Variants in KCNJ3 observed in about 807,000 individuals in gnomAD.
KCNJ3 encodes potassium inwardly rectifying channel subfamily J member 3, also known as G protein-activated inward rectifier potassium channel 1.
In KCNJ3, 4 loss-of-function variants were observed where a neutral mutation model predicts 39.2. The observed-to-expected ratio is 0.10, with a 90% CI of 0.05 to 0.23. The LOEUF (loss-of-function observed/expected upper bound fraction) is 0.23, where lower values mean the gene tolerates loss of function less well. Ranked by LOEUF, KCNJ3 falls within the 10% of genes least tolerant of loss-of-function variation. The pLI, the probability that KCNJ3 is intolerant of heterozygous loss-of-function variation, is 1.00. For synonymous variants in KCNJ3, 230 were observed against 237.4 expected (o/e 0.97, Z 0.29); for missense variants, 276 against 634.9 (o/e 0.43, Z 6.08).
chr2:154,784,169 T>C lies in KCNJ3; in HGVS notation c.920-70558T>C, dbSNP rs147816381. Among the ~76,000 whole-genome samples, 187 of 152,324 alleles carry C rather than the reference T, an allele frequency of 1.2e-3. 4 individuals are homozygous for C. In the East Asian group the frequency reaches 0.034, roughly 28 times the overall value. On this transcript the variant is annotated intron_variant, in intron 2 of 2. Coordinates refer to ENST00000295101, the MANE Select transcript of KCNJ3 (RefSeq NM_002239.4). ...TGTTAACTCAAAGATTTTCAAACCA[T>C]GTTTAATATTTAAAATTTCTTATTT...
At chr2:154,821,756 T>TCAA (rs1687186797) in intron 2 of KCNJ3, among the ~76,000 whole-genome samples, 1 of 150,860 alleles carries the variant, frequency 6.6e-6, no homozygotes, top group Non-Finnish European at 1.5e-5. Flanking sequence ...TTTTCCTTTG[T>TCAA]TAGCCTCCTG....
intron 2 of KCNJ3, among the ~76,000 whole-genome samples, chr2:154,729,114 GA>G (rs1388553942): frequency 6.6e-6 from 1 of 152,058 alleles, no homozygotes; most frequent in African/African-American, 2.4e-5. Flanking sequence ...ATCAAGAATG[GA>G]AATTGTTTGA....
intron 2 of KCNJ3, among the ~76,000 whole-genome samples, chr2:154,783,119 G>A (rs745954558): frequency 6.6e-5 from 10 of 151,956 alleles, no homozygotes; most frequent in East Asian, 1.9e-4. Flanking sequence ...CGGAGGTTGC[G>A]GTGGGCCAAG....
At chr2:154,744,541 T>A (rs1040059695) in intron 2 of KCNJ3, among the ~76,000 whole-genome samples, 1 of 151,846 alleles carries the variant, frequency 6.6e-6, no homozygotes, top group Non-Finnish European at 1.5e-5. Flanking sequence ...TATTTCATAT[T>A]GTATTTTGGT....
chr2:154,771,498 A>G lies in KCNJ3; in HGVS notation c.919+61679A>G, dbSNP rs1686241390. Among the ~76,000 whole-genome samples the G allele has an allele frequency of 2.6e-5, 4 of 152,314 alleles. No individual in the cohort carries two copies. In the South Asian group the frequency reaches 8.3e-4, roughly 32 times the overall value. ...GCTAACTTGATTTCAGTGAGCAGGA[A>G]TCTAGAAGAAAGTTTAGAGCTACTG... On this transcript the variant is annotated intron_variant, in intron 2 of 2. Coordinates refer to ENST00000295101, the MANE Select transcript of KCNJ3 (RefSeq NM_002239.4).
intron 2 of KCNJ3, among the ~76,000 whole-genome samples, chr2:154,726,840 C>G (rs1424831320): frequency 1.4e-5 from 2 of 145,910 alleles, no homozygotes; most frequent in East Asian, 4.0e-4. Context: ...CACACATACA[C>G]CATGGAATAC....
At chr2:154,749,458 G>C (rs770956397) in intron 2 of KCNJ3, among the ~76,000 whole-genome samples, 8 of 152,058 alleles carry the variant, frequency 5.3e-5, no homozygotes, top group Middle Eastern at 3.4e-3. Context: ...GCATGTTGTG[G>C]GCAAATGAGC....
intron 2 of KCNJ3, among the ~76,000 whole-genome samples, chr2:154,725,348 C>T (rs961012357): frequency 6.7e-6 from 1 of 149,920 alleles, no homozygotes; most frequent in East Asian, 2.0e-4. Flanking sequence ...GATATCTTTT[C>T]TCTGAAAGTT....
At chr2:154,840,367 G>A (rs1249168035) in intron 2 of KCNJ3, among the ~76,000 whole-genome samples, 1 of 152,138 alleles carries the variant, frequency 6.6e-6, no homozygotes, top group Non-Finnish European at 1.5e-5. Context: ...TTGAAGTCAG[G>A]TAGCATGATG....
At chr2:154,747,085 G>A (rs1390252695) in intron 2 of KCNJ3, among the ~76,000 whole-genome samples, 1 of 151,848 alleles carries the variant, frequency 6.6e-6, no homozygotes, top group Non-Finnish European at 1.5e-5. Context: ...GTTGTATAAA[G>A]CACTTGAGAG....
At chr2:154,773,755 ATGTC>A (rs1686284303) in intron 2 of KCNJ3, among the ~76,000 whole-genome samples, 2 of 152,140 alleles carry the variant, frequency 1.3e-5, no homozygotes, top group South Asian at 4.1e-4. Context: ...AATTGATTGA[ATGTC>A]TGATATTCAC....
At chr2:154,780,000 A>T (rs1290863135) in intron 2 of KCNJ3, among the ~76,000 whole-genome samples, 3 of 152,222 alleles carry the variant, frequency 2.0e-5, no homozygotes, top group Non-Finnish European at 4.4e-5. Flanking sequence ...AGAAGCAAGG[A>T]CATACATTCA....
chr2:154,712,856 A>C (rs1685123633), intron 2 of KCNJ3, among the ~76,000 whole-genome samples: 2 of 152,108 alleles, frequency 1.3e-5, no homozygotes, highest in Admixed American at 1.3e-4. Context: ...GTTTTAGGCT[A>C]ATAGGGAAGG....
At chr2:154,833,996 G>A (rs898894520) in intron 2 of KCNJ3, among the ~76,000 whole-genome samples, 1 of 152,118 alleles carries the variant, frequency 6.6e-6, no homozygotes, top group Non-Finnish European at 1.5e-5. Flanking sequence ...AAACATTCCT[G>A]TGCAGATTTT....
At chr2:154,835,480 A>AATATTCATGAATATGAATATAT (rs1687442591) in intron 2 of KCNJ3, among the ~76,000 whole-genome samples, 4 of 109,286 alleles carry the variant, frequency 3.7e-5, no homozygotes, top group African/African-American at 1.2e-4. Flanking sequence ...ATGAATATAT[A>AATATTCATGAATATGAATATAT]ATATTCATGA....
chr2:154,765,648 T>C (rs547733833), intron 2 of KCNJ3, among the ~76,000 whole-genome samples: 1 of 152,328 alleles, frequency 6.6e-6, no homozygotes, highest in Non-Finnish European at 1.5e-5. Context: ...AATTTTGTTA[T>C]TGTGATTATA....
chr2:154,705,182 G>A (rs539143815), intron 1 of KCNJ3, among the ~76,000 whole-genome samples: 1 of 152,258 alleles, frequency 6.6e-6, no homozygotes, highest in East Asian at 1.9e-4. Context: ...TTAGAGAGAC[G>A]GGAGAGAGAG....
chr2:154,789,355 T>G (rs1398843457), intron 2 of KCNJ3, among the ~76,000 whole-genome samples: 1 of 152,028 alleles, frequency 6.6e-6, no homozygotes, highest in Non-Finnish European at 1.5e-5. Flanking sequence ...TTTGTTTTAT[T>G]TAGTAATCTA....
intron 2 of KCNJ3, among the ~76,000 whole-genome samples, chr2:154,726,302 C>T (rs755150606): frequency 9.9e-5 from 15 of 151,968 alleles, no homozygotes; most frequent in Non-Finnish European, 1.8e-4. Context: ...GGTCTGAGGA[C>T]ATAAATAGGC....
Sources: allele counts gnomAD v4.1 joint callset (sites outside exome capture counted in the v4.1 genomes callset), GRCh38; gene constraint gnomAD v4.1.1; transcripts MANE v1.5; gene names NCBI Gene and HGNC (gene_info 2026-07-23, HGNC 2026-07-21).